Variants in TTN observed in about 807,000 individuals in gnomAD.
TTN encodes titin.
In TTN, 1,525 loss-of-function variants were observed where a neutral mutation model predicts 3,223.0. The observed-to-expected ratio is 0.47, with a 90% CI of 0.45 to 0.49. The LOEUF is 0.49. TTN is among the 20% of genes least tolerant of loss of function. The probability of loss-of-function intolerance (pLI) is 0.00; values close to 1 mark genes in which losing one functional copy is unlikely to be tolerated. For missense variants in TTN, 40,786 were observed against 43,424.0 expected (o/e 0.94, Z 5.40); for synonymous variants, 14,094 against 15,161.0 (o/e 0.93, Z 5.17).
chr2:178,781,773 T>C (rs1561350548), intron 20 of TTN, among the ~76,000 whole-genome samples: 1 of 152,192 alleles, frequency 6.6e-6, no homozygotes, highest in African/African-American at 2.4e-5. Flanking sequence ...TTATATTGAA[T>C]TGAAGAAAAA....
rs201308378 is a variant in TTN at position 178,747,051 on chromosome 2, A to C, written c.11312-5130T>G. The C allele has an allele frequency of 6.6e-5, 106 of 1,613,192 alleles. 1 individual carries two copies. The highest frequency in any genetic ancestry group is 1.8e-4 in the Admixed American group (11 of 59,886). ...TTTGGTCCTCCAGTAGGAATAGAATATCTCTCTAGTGCCTCCCCTGGGGGT... is the reference window on the plus strand; with the variant it reads ...TTTGGTCCTCCAGTAGGAATAGAATCTCTCTCTAGTGCCTCCCCTGGGGGT... On this transcript the variant is annotated intron_variant, in intron 47 of 362. Transcript: ENST00000589042.
chr2:178,685,088 A>ATAC (rs2070493838), intron 129 of TTN, 99 bp from the exon 130 acceptor site: 3 of 1,193,326 alleles, frequency 2.5e-6, no homozygotes, highest in Non-Finnish European at 3.6e-6. Flanking sequence ...TTGCACATAT[A>ATAC]TACAAACGTT....
intron 47 of TTN, chr2:178,752,039 T>G (rs753764240): frequency 6.7e-7 from 1 of 1,498,136 alleles, no homozygotes; most frequent in South Asian, 1.2e-5. Flanking sequence ...AGAGAATAAT[T>G]CTGGAAAAAA....
In TTN at chr2:178,599,461, GAA is replaced by G; in HGVS notation, c.56348-18_56348-17del. On this transcript the variant is annotated splice_polypyrimidine_tract_variant and intron_variant, in intron 289 of 362. Coordinates refer to ENST00000589042, the MANE Select transcript of TTN (RefSeq NM_001267550.2). ...CCAGGACGACCTAAAATGGTTTAAA[GAA>G]GGAACCCTTTATCACTCAGATGATT... The G allele has an allele frequency of 6.6e-7, 1 of 1,519,252 alleles. No homozygotes were observed. Among genetic ancestry groups the G allele is most frequent in the East Asian group, 2.3e-5 (1 of 43,684 alleles). 94.1% of individuals were successfully genotyped at this position (1,519,252 alleles called of 1,614,324 possible). A position where few individuals can be genotyped will look rare whatever the true frequency, so the allele number is the denominator to read the frequency against.
Position 178,569,563 on chromosome 2 carries a change from C to A in TTN, c.76569G>T (p.Arg25523Ser). ...CAAATAACCTTAAGGAGCCACCTGC[C>A]CTTATATTTATGATTTTCCTTAGTT... ...DLELRKIINI[R>S]AGGSLRLFVP... is the part of the protein sequence containing the mutation. The change falls in exon 326 of 363, where the codon AGG becomes AGT. Residue 25523 changes from arginine to serine, a missense_variant. Coordinates refer to ENST00000589042, the MANE Select transcript of TTN (RefSeq NM_001267550.2). 6.2e-7 allele frequency: 1 copy of A among 1,612,972 alleles called. No individual in the cohort carries two copies. The highest frequency in any genetic ancestry group is 8.5e-7 in the Non-Finnish European group (1 of 1,179,506).
chr2:178,651,128 A>G, intron 208 of TTN, 115 bp downstream of exon 208: 1 of 836,698 alleles, frequency 1.2e-6, no homozygotes, highest in Non-Finnish European at 1.9e-6. Flanking sequence ...AAAATCCAGA[A>G]TGACAGTTTT....
chr2:178,578,485 T>C, intron 321 of TTN, 126 bp downstream of exon 321: 1 of 733,518 alleles, frequency 1.4e-6, no homozygotes, highest in South Asian at 2.0e-5. Context: ...CCATATGTAC[T>C]GAAATAAAAA....
At chr2:178,600,764 A>G in intron 288 of TTN, 90 bp downstream of exon 288, 1 of 1,476,832 alleles carries the variant, frequency 6.8e-7, no homozygotes, top group Non-Finnish European at 9.5e-7. Context: ...CCTAAGGTAC[A>G]GATATAGCTC....
rs1558990168 is a variant in TTN at position 178,530,800 on chromosome 2, G to A, written c.105815C>T (p.Thr35272Ile). 6.2e-7 allele frequency: 1 copy of A among 1,613,902 alleles called. No individual in the cohort carries two copies. Among genetic ancestry groups the A allele is most frequent in the South Asian group, 1.1e-5 (1 of 91,082 alleles). ...KAVSPTETKP[T>I]PTEKVQHLPV... ...GAGGTGCTGAACTTTCTCTGTTGGT[G>A]TTGGTTTTGTCTCTGTGGGTGATAC... The change falls in exon 358 of 363, where the codon ACA becomes ATA. Residue 35272 changes from threonine (T) to isoleucine (I), a missense_variant. Transcript: ENST00000589042.
rs767718233 is a variant in TTN at position 178,570,560 on chromosome 2, C to T, written c.75572G>A (p.Gly25191Glu). The T allele has an allele frequency of 2.2e-5, 35 of 1,613,232 alleles. No homozygotes were observed. The highest frequency in any genetic ancestry group is 1.3e-4 in the South Asian group (12 of 91,074). Reference protein sequence around the residue: ...NYILKAKNVAGERSVTVNVKV... With the variant: ...NYILKAKNVAEERSVTVNVKV... Reference sequence around the variant, plus strand: ...GACATTCACAGTAACTGATCTTTCTCCTGCAACATTTTTGGCCTTCAGTAT... The same window carrying T: ...GACATTCACAGTAACTGATCTTTCTTCTGCAACATTTTTGGCCTTCAGTAT... The change falls in exon 326 of 363, where the codon GGA (glycine) becomes GAA (glutamate). Residue 25191 changes from glycine to glutamate, a missense_variant. Coordinates refer to ENST00000589042, the MANE Select transcript of TTN (RefSeq NM_001267550.2).
At position 178,635,333 on chromosome 2, in the gene TTN, A is replaced by C. The variant is rs564720459; in HGVS notation, c.41885-29T>G. On this transcript the variant is annotated intron_variant, in intron 227 of 362. Transcript: ENST00000589042. ...TATTGGTCAGGGATGAAGTAACATA[A>C]TGCTTTAGACAACCCAACGATGCTT... is the stretch of plus-strand genomic sequence containing the variant. The C allele has an allele frequency of 1.5e-5, 24 of 1,611,690 alleles. No homozygotes were observed. The South Asian group carries it at 2.4e-4, about 16-fold the overall frequency.
rs748006828 is a variant in TTN at position 178,573,152 on chromosome 2, G to T, written c.72980C>A (p.Pro24327Gln). The change falls in exon 326 of 363, where the codon CCA (proline) becomes CAA (glutamine). Residue 24327 changes from proline (P) to glutamine (Q), a missense_variant. By Grantham distance (76) the Pro-to-Gln change is moderately conservative. Transcript: ENST00000589042. Reference protein sequence around the residue: ...ACDTVFKPGPPGNPRVLDTSR... With the variant: ...ACDTVFKPGPQGNPRVLDTSR... ...TGTATCCAGAACACGTGGGTTACCTGGTGGTCCAGGTTTAAACACAGTGTC... is the reference window on the plus strand; with the variant it reads ...TGTATCCAGAACACGTGGGTTACCTTGTGGTCCAGGTTTAAACACAGTGTC... 1 of 1,613,026 alleles carries T rather than the reference G, an allele frequency of 6.2e-7. No homozygotes were observed. Among genetic ancestry groups the T allele is most frequent in the Non-Finnish European group, 8.5e-7 (1 of 1,179,424 alleles).
In TTN at chr2:178,598,627, A is replaced by T; in HGVS notation, c.56990T>A (p.Val18997Glu). The T allele has an allele frequency of 6.2e-7, 1 of 1,604,590 alleles. No homozygotes were observed. The highest frequency in any genetic ancestry group is 1.1e-5 in the South Asian group (1 of 88,462). Residue 18997 changes from valine to glutamate, a missense_variant, in exon 292 of 363, where the codon GTG becomes GAG. Transcript: ENST00000589042. The stretch of plus-strand genomic sequence containing the variant: ...TGCAGATGATTTAGTCCAATCTGTC[A>T]CTTTGGGAAATGGAGGACCAGGAGG... ...IAPPGPPFPK[V>E]TDWTKSSADL...
rs398124447 is a variant in TTN at position 178,671,149 on chromosome 2, A to C, written c.35249T>G (p.Ile11750Ser). 3.1e-6 allele frequency: 5 copies of C among 1,602,748 alleles called. No homozygotes were observed. Among genetic ancestry groups the C allele is most frequent in the Non-Finnish European group, 4.3e-6 (5 of 1,175,456 alleles). The change falls in exon 156 of 363, where the codon ATC (isoleucine) becomes AGC (serine). Residue 11750 changes from isoleucine to serine, a missense_variant. By Grantham distance (142) the Ile-to-Ser change is moderately radical. Coordinates refer to ENST00000589042, the MANE Select transcript of TTN (RefSeq NM_001267550.2). ...PPKGPEISEKIIPPKKPPTKV... is the reference protein window; with the variant it reads ...PPKGPEISEKSIPPKKPPTKV... ...AGTGGGCGGTTTTTTTGGAGGGATG[A>C]TTTTCTCAGATATCTCAGGCCCTTC...
At chr2:178,664,159 G>T (rs1490083725) in intron 168 of TTN, 61 bp from the exon 169 acceptor site, 3 of 1,484,568 alleles carry the variant, frequency 2.0e-6, no homozygotes, top group Non-Finnish European at 2.7e-6. Context: ...TAGATACAAA[G>T]ACATTTTCAA....
At chr2:178,558,301 A>G (rs536604281) in intron 327 of TTN, 40 bp downstream of exon 327, 6 of 1,592,652 alleles carry the variant, frequency 3.8e-6, no homozygotes, top group African/African-American at 2.7e-5. Flanking sequence ...AATCAATGCA[A>G]ATAATTTCAA....
At position 178,732,218 on chromosome 2, in the gene TTN, A is replaced by T. The variant is rs779652311; in HGVS notation, c.16751T>A (p.Ile5584Asn). Residue 5584 changes from isoleucine (I) to asparagine (N), a missense_variant, in exon 57 of 363, where the codon ATT (isoleucine) becomes AAT (asparagine). Ile to Asn is a moderately radical substitution (Grantham distance 149). Transcript: ENST00000589042. ...KITWFANDRE[I>N]KESSKHRMSF... The stretch of plus-strand genomic sequence containing the variant: ...CATTCTGTGTTTGCTGCTCTCCTTA[A>T]TTTCTCTATCATTTGCAAACCATGT... The T allele has an allele frequency of 5.1e-5, 83 of 1,613,680 alleles. 1 individual carries two copies. In the South Asian group the frequency reaches 9.1e-4, roughly 18 times the overall value.
In TTN at chr2:178,752,080, C is replaced by T. The variant is rs564044688; in HGVS notation, c.11311+1044G>A. ...AAAACCTTTACTATTTTCCATAGAA[C>T]TTGAAAAAGTTGAAAGTAAATAAAA... On this transcript the variant is annotated intron_variant, in intron 47 of 362. Transcript: ENST00000589042. The T allele has an allele frequency of 2.6e-5, 40 of 1,550,862 alleles. No homozygotes were observed. The East Asian group carries it at 7.4e-4, about 29-fold the overall frequency.
Position 178,560,108 on chromosome 2 carries a change from G to T in TTN, c.86024C>A (p.Pro28675Gln), listed in dbSNP as rs766419568. Residue 28675 changes from proline to glutamine, a missense_variant, in exon 326 of 363, where the codon CCG (proline) becomes CAG (glutamine). Physicochemically the swap from Pro to Gln is moderately conservative, Grantham distance 76. Coordinates refer to ENST00000589042, the MANE Select transcript of TTN (RefSeq NM_001267550.2). ...TATCGGGGCCCCACCATCAAACAGC[G>T]GCTTAACCCAGGCAATAGTTATAGT... The part of the protein sequence containing the change: ...KTTITIAWVK[P>Q]LFDGGAPITG... The T allele has an allele frequency of 6.2e-7, 1 of 1,613,466 alleles. No individual in the cohort carries two copies. The highest frequency in any genetic ancestry group is 1.3e-5 in the African/African-American group (1 of 74,872).
Sources: gnomAD v4.1 joint callset for allele counts (sites outside exome capture counted in the v4.1 genomes callset) on GRCh38, gnomAD v4.1.1 for gene constraint, MANE v1.5 for transcripts, NCBI Gene and HGNC (gene_info 2026-07-23, HGNC 2026-07-21) for gene names.